RPL35A: variants seen among roughly 807,000 people sequenced by gnomAD.
RPL35A encodes large ribosomal subunit protein eL33.
A neutral mutation model predicts 16.7 loss-of-function variants in RPL35A; 1 was observed. The observed-to-expected ratio is 0.06, with a 90% confidence interval of 0.02 to 0.28. RPL35A has a LOEUF of 0.28. RPL35A is among the 10% of genes least tolerant of loss of function. The pLI, the probability that RPL35A is intolerant of heterozygous loss-of-function variation, is 1.00. For synonymous variants in RPL35A, 58 were observed against 47.0 expected (o/e 1.23, Z -0.96); for missense variants, 91 against 138.7 (o/e 0.66, Z 1.73).
At position 197,950,849 on chromosome 3, in the gene RPL35A, A is replaced by G. The variant is rs571216536; in HGVS notation, c.-32-87A>G. On this transcript the variant is annotated intron_variant, in intron 1 of 4. Coordinates refer to ENST00000647248, the MANE Select transcript of RPL35A (RefSeq NM_000996.4). ...CTACATGAAACTCCCATCCAAAAGG[A>G]ATTTGCTTTAGGGGCTTAAACGAGA... The G allele has an allele frequency of 8.9e-6, 11 of 1,229,566 alleles. No homozygotes were observed. In the East Asian group the frequency reaches 2.3e-4, roughly 26 times the overall value. 76.2% of individuals were successfully genotyped at this position (1,229,566 alleles called of 1,614,324 possible). A position where few individuals can be genotyped will look rare whatever the true frequency, so the allele number is the denominator to read the frequency against.
At chr3:197,952,754 A>T (rs566707561) in intron 3 of RPL35A, 1 of 152,324 alleles carries the variant, frequency 6.6e-6, no homozygotes, top group East Asian at 1.9e-4. Flanking sequence ...TCGGCCTCCC[A>T]GAGTGCTGGG....
In RPL35A at chr3:197,951,011, T is replaced by C. The variant is rs373701146; in HGVS notation, c.11+33T>C. 47 of 1,610,148 alleles carry C rather than the reference T, an allele frequency of 2.9e-5. No individual in the cohort carries two copies. In the South Asian group the frequency reaches 4.2e-4, roughly 14 times the overall value. On this transcript the variant is annotated intron_variant, in intron 2 of 4. Transcript: ENST00000647248. ...TTTTAAATATAGTTCTTTATTTTTGTGTGTTAGACGTGAACGTAAATGCGA... is the reference window on the plus strand; with the variant it reads ...TTTTAAATATAGTTCTTTATTTTTGCGTGTTAGACGTGAACGTAAATGCGA...
chr3:197,950,237 G>A lies in RPL35A; in HGVS notation c.-33+16G>A, dbSNP rs143337408. The A allele has an allele frequency of 4.9e-6, 6 of 1,230,792 alleles. No individual in the cohort carries two copies. The East Asian group carries it at 1.9e-4, about 39-fold the overall frequency. The allele number at this position is 1,230,792 out of a possible 1,614,324, so 76.2% of individuals were successfully genotyped here. A position where few individuals can be genotyped will look rare whatever the true frequency, so the allele number is the denominator to read the frequency against. On this transcript the variant is annotated intron_variant, in intron 1 of 4. Transcript: ENST00000647248. The stretch of plus-strand genomic sequence containing the variant: ...TCCTGTGGAGGTGAGTGAAGGGTCT[G>A]CTGCTGAAATTTGGGGGCAAATAAC...
chr3:197,951,284 G>A lies in RPL35A; in HGVS notation c.137G>A (p.Arg46Lys). The A allele has an allele frequency of 1.2e-6, 2 of 1,614,104 alleles. No homozygotes were observed. The highest frequency in any genetic ancestry group is 1.3e-5 in the African/African-American group (1 of 75,052). ...GAAACAGAATTCTATTTGGGCAAGA[G>A]ATGCGCTTATGTATATAAAGCAAAG... ...RDETEFYLGK[R>K]CAYVYKAKNN... is the part of the protein sequence containing the mutation. The change falls in exon 3 of 5, where the codon AGA (arginine) becomes AAA (lysine). Residue 46 changes from arginine (R) to lysine (K), a missense_variant. Transcript: ENST00000647248.
intron 4 of RPL35A, 177 bp downstream of exon 4, chr3:197,954,324 T>G: frequency 1.4e-6 from 1 of 719,692 alleles, no homozygotes; most frequent in South Asian, 1.8e-5. Context: ...GGTGTTTGGT[T>G]GTTTGTTTTT....
At chr3:197,952,845 T>C (rs1281260808) in intron 3 of RPL35A, among the ~76,000 whole-genome samples, 2 of 152,068 alleles carry the variant, frequency 1.3e-5, no homozygotes, top group Non-Finnish European at 2.9e-5. Context: ...ACTTTTTTTT[T>C]TTTTTGAGAC....
chr3:197,950,675 C>G (rs1719990039), intron 1 of RPL35A: 1 of 524,222 alleles, frequency 1.9e-6, no homozygotes, highest in Admixed American at 3.4e-5. Context: ...TTTTCTCAGG[C>G]TTTTCTGAGA....
intron 3 of RPL35A, among the ~76,000 whole-genome samples, chr3:197,952,162 G>GGT (rs1553810814): frequency 3.6e-4 from 30 of 83,890 alleles, no homozygotes; most frequent in African/African-American, 1.5e-3. Context: ...AAAATTATGG[G>GGT]TTTTTTTTTT....
chr3:197,953,684 C>A, intron 3 of RPL35A: 1 of 439,546 alleles, frequency 2.3e-6, no homozygotes. Context: ...TCTGTACACA[C>A]AAATATCCTC....
intron 3 of RPL35A, 176 bp downstream of exon 3, chr3:197,951,487 G>C: frequency 7.5e-6 from 5 of 666,626 alleles, no homozygotes; most frequent in Non-Finnish European, 1.3e-5. Flanking sequence ...CGAGTAGCTG[G>C]GATTACAGGC....
At chr3:197,954,190 C>G in intron 4 of RPL35A, 43 bp downstream of exon 4, 1 of 1,608,292 alleles carries the variant, frequency 6.2e-7, no homozygotes, top group South Asian at 1.1e-5. Context: ...ATGAATCAGA[C>G]TAGGTTCAAG....
At chr3:197,950,338 G>A (rs1581094923) in intron 1 of RPL35A, 117 bp downstream of exon 1, 2 of 1,226,136 alleles carry the variant, frequency 1.6e-6, no homozygotes, top group African/African-American at 1.6e-5. Context: ...GATTTCTACG[G>A]GTTTCAAGAA....
At position 197,951,309 on chromosome 3, in the gene RPL35A, G is replaced by T. The variant is rs1047441058; in HGVS notation, c.162G>T (p.Lys54Asn). ...GKRCAYVYKAKNNTVTPGGKP... is the reference protein window; with the variant it reads ...GKRCAYVYKANNNTVTPGGKP... ...GATGCGCTTATGTATATAAAGCAAAGAAGTAAGTTTATGACACTGGTAGGT... is the reference window on the plus strand; with the variant it reads ...GATGCGCTTATGTATATAAAGCAAATAAGTAAGTTTATGACACTGGTAGGT... The change falls in exon 3 of 5, where the codon AAG becomes AAT. Residue 54 changes from lysine (K) to asparagine (N), a missense_variant and splice_region_variant. Lys to Asn is a moderately conservative substitution (Grantham distance 94). Coordinates refer to ENST00000647248, the MANE Select transcript of RPL35A (RefSeq NM_000996.4). The T allele has an allele frequency of 9.3e-6, 15 of 1,613,894 alleles. No individual in the cohort carries two copies. The Admixed American group carries it at 2.5e-4, about 27-fold the overall frequency.
chr3:197,951,348 G>C (rs751732621), intron 3 of RPL35A, 37 bp downstream of exon 3: 1 of 1,606,660 alleles, frequency 6.2e-7, no homozygotes, highest in Non-Finnish European at 8.5e-7. Flanking sequence ...GGGTTTTTGA[G>C]ATCTGCCTCA....
intron 3 of RPL35A, chr3:197,951,535 TAG>T: frequency 1.9e-6 from 1 of 522,428 alleles, no homozygotes; most frequent in South Asian, 2.0e-5. Flanking sequence ...GTATTATTAG[TAG>T]AGACAGGGTA....
intron 3 of RPL35A, 146 bp downstream of exon 3, chr3:197,951,457 A>G: frequency 2.3e-6 from 2 of 855,638 alleles, no homozygotes; most frequent in East Asian, 2.6e-5. Context: ...GGTTCAAGCA[A>G]GTGTCCTGTC....
chr3:197,951,965 GT>G (rs1363899456), intron 3 of RPL35A, among the ~76,000 whole-genome samples: 1 of 152,160 alleles, frequency 6.6e-6, no homozygotes, highest in Non-Finnish European at 1.5e-5. Context: ...TTAATGGGGA[GT>G]TTTAGAAGGA....
intron 4 of RPL35A, 141 bp downstream of exon 4, chr3:197,954,288 T>G (rs372688434): frequency 2.5e-6 from 2 of 815,984 alleles, no homozygotes; most frequent in East Asian, 2.7e-5. Context: ...TGCAGAACAC[T>G]GGAGAGATAG....
At position 197,954,120 on chromosome 3, in the gene RPL35A, T is replaced by C. The variant is rs201018840; in HGVS notation, c.282T>C (p.Ala94=). 1.9e-5 allele frequency: 30 copies of C among 1,614,208 alleles called. No homozygotes were observed. In the East Asian group the frequency reaches 6.2e-4, roughly 34 times the overall value. ...CCAAATTCCGAAGCAATCTTCCTGC[T>C]AAGGCCATTGGACACAGAATCCGAG... is the stretch of plus-strand genomic sequence containing the variant. ...VRAKFRSNLP[A]KAIGHRIRVM... is the part of the protein sequence containing the mutation. The change falls in exon 4 of 5, where the codon GCT becomes GCC. Residue 94 remains alanine (A), a synonymous_variant. Coordinates refer to ENST00000647248, the MANE Select transcript of RPL35A (RefSeq NM_000996.4).
Sources: allele counts gnomAD v4.1 joint callset (sites outside exome capture counted in the v4.1 genomes callset), GRCh38; gene constraint gnomAD v4.1.1; transcripts MANE v1.5; gene names NCBI Gene and HGNC (gene_info 2026-07-23, HGNC 2026-07-21).